The following ZNF385D variants were observed in gnomAD, a reference collection of about 807,000 sequenced individuals.
The protein encoded by ZNF385D is zinc finger protein 659.
A neutral mutation model predicts 35.8 loss-of-function variants in ZNF385D; 15 were observed. The ratio of observed to expected loss-of-function variants is 0.42; its 90% confidence interval spans 0.28 to 0.64. The LOEUF is 0.64. Among genes scored for constraint, ZNF385D ranks in the 30% least tolerant of loss-of-function variants. ZNF385D has a pLI of 0.23. For synonymous variants in ZNF385D, 212 were observed against 186.8 expected (o/e 1.13, Z -1.10); for missense variants, 474 against 494.6 (o/e 0.96, Z 0.39).
chr3:21,866,122 A>G lies in ZNF385D; in HGVS notation c.326-201094T>C, dbSNP rs1697339999. Among the ~76,000 whole-genome samples the G allele has an allele frequency of 5.3e-5, 8 of 152,186 alleles. No individual in the cohort carries two copies. The South Asian group carries it at 1.7e-3, about 32-fold the overall frequency. ...TAACAGGTTGTAAACATATGTAGAA[A>G]AATAGTTTTATTTTGATTTTATAAA... On this transcript the variant is annotated intron_variant, in intron 3 of 5. Transcript: ENST00000494108.
chr3:21,965,764 T>C (rs71310299), intron 3 of ZNF385D, among the ~76,000 whole-genome samples: 16,518 of 152,208 alleles, frequency 0.11, 1,211 homozygotes, highest in South Asian at 0.26. Flanking sequence ...TCCTTATTTT[T>C]AGAAAAGACA....
chr3:22,086,906 G>T (rs1307873274), intron 3 of ZNF385D, among the ~76,000 whole-genome samples: 2 of 152,030 alleles, frequency 1.3e-5, no homozygotes, highest in Non-Finnish European at 2.9e-5. Flanking sequence ...ACACAGGGTG[G>T]GGTACATCAC....
chr3:22,140,850 T>C (rs1704461895), intron 3 of ZNF385D, among the ~76,000 whole-genome samples: 1 of 152,236 alleles, frequency 6.6e-6, no homozygotes, highest in South Asian at 2.1e-4. Flanking sequence ...GTCCTAGAGT[T>C]AATTAGTTCC....
At chr3:21,839,210 T>C (rs998765644) in intron 3 of ZNF385D, among the ~76,000 whole-genome samples, 3 of 152,060 alleles carry the variant, frequency 2.0e-5, no homozygotes, top group Admixed American at 1.3e-4. Flanking sequence ...TTCCATTTTT[T>C]TGGTAACATT....
chr3:21,863,585 T>C (rs563542858), intron 3 of ZNF385D, among the ~76,000 whole-genome samples: 1 of 152,244 alleles, frequency 6.6e-6, no homozygotes, highest in African/African-American at 2.4e-5. Context: ...GTTAACCTAA[T>C]TGCACTTAAG....
At chr3:21,515,107 G>A (rs1401965215) in intron 3 of ZNF385D, among the ~76,000 whole-genome samples, 1 of 152,092 alleles carries the variant, frequency 6.6e-6, no homozygotes, top group African/African-American at 2.4e-5. Flanking sequence ...TAGTTGAAAT[G>A]CAACTGAAGT....
chr3:22,174,250 T>C (rs765919536), intron 2 of ZNF385D, among the ~76,000 whole-genome samples: 5 of 152,198 alleles, frequency 3.3e-5, no homozygotes, highest in Non-Finnish European at 1.5e-5. Context: ...ATCTCAACTT[T>C]AACAAGCCAG....
intron 2 of ZNF385D, among the ~76,000 whole-genome samples, chr3:22,348,485 TAAAAAA>T (rs1168729541): frequency 2.4e-5 from 2 of 84,876 alleles, no homozygotes; most frequent in East Asian, 3.4e-4. Context: ...CCATCTCTAC[TAAAAAA>T]AAAAAAAAAA....
intron 1 of ZNF385D, among the ~76,000 whole-genome samples, chr3:21,690,233 A>G (rs1028630574): frequency 1.3e-5 from 2 of 152,126 alleles, no homozygotes; most frequent in East Asian, 1.9e-4. Flanking sequence ...ACATCCATAC[A>G]CACACACATA....
At position 22,176,370 on chromosome 3, in the gene ZNF385D, T is replaced by C. The variant is rs1033846257; in HGVS notation, c.107-7335A>G. ...GCATTAATTGTTTTACATCACCTCCTAACTTAAATATCACTTAGGAACTTC... is the reference window on the plus strand; with the variant it reads ...GCATTAATTGTTTTACATCACCTCCCAACTTAAATATCACTTAGGAACTTC... On this transcript the variant is annotated intron_variant, in intron 2 of 5. Coordinates refer to the ZNF385D transcript ENST00000494108. Among the ~76,000 whole-genome samples the C allele has an allele frequency of 2.6e-5, 4 of 152,352 alleles. No individual in the cohort carries two copies. The South Asian group carries it at 8.3e-4, about 32-fold the overall frequency.
At chr3:21,537,930 A>T (rs2062075109) in intron 3 of ZNF385D, among the ~76,000 whole-genome samples, 1 of 152,250 alleles carries the variant, frequency 6.6e-6, no homozygotes, top group Non-Finnish European at 1.5e-5. Context: ...AGAATTTTAC[A>T]ATAATACAGA....
chr3:21,813,489 G>C (rs1031163233), intron 3 of ZNF385D, among the ~76,000 whole-genome samples: 5 of 152,158 alleles, frequency 3.3e-5, no homozygotes, highest in Admixed American at 6.5e-5. Flanking sequence ...AGAATCAACA[G>C]TGTACAGAAG....
intron 1 of ZNF385D, among the ~76,000 whole-genome samples, chr3:21,722,837 G>C (rs1193817193): frequency 6.6e-6 from 1 of 152,150 alleles, no homozygotes; most frequent in East Asian, 1.9e-4. Flanking sequence ...AGTATATTTG[G>C]TTTCATCCAC....
intron 3 of ZNF385D, among the ~76,000 whole-genome samples, chr3:22,100,275 C>G (rs1273386138): frequency 7.0e-6 from 1 of 143,248 alleles, no homozygotes; most frequent in African/African-American, 2.7e-5. Flanking sequence ...GTCAGTGTGG[C>G]GATTCCTCAG....
At chr3:21,899,484 C>G (rs1035320865) in intron 3 of ZNF385D, among the ~76,000 whole-genome samples, 2 of 152,072 alleles carry the variant, frequency 1.3e-5, no homozygotes, top group African/African-American at 4.8e-5. Flanking sequence ...TTCAATATGT[C>G]TGGGATGGAG....
intron 3 of ZNF385D, among the ~76,000 whole-genome samples, chr3:21,773,801 G>A (rs1015518682): frequency 1.3e-5 from 2 of 151,800 alleles, no homozygotes; most frequent in East Asian, 3.9e-4. Context: ...GGAGAAAAAG[G>A]AATGCTTTTA....
At chr3:21,505,060 C>G (rs1251823955) in intron 4 of ZNF385D, among the ~76,000 whole-genome samples, 1 of 152,022 alleles carries the variant, frequency 6.6e-6, no homozygotes, top group East Asian at 1.9e-4. Flanking sequence ...GAAGTGGACT[C>G]TAGCAATTGA....
At chr3:22,093,393 C>T (rs559898539) in intron 3 of ZNF385D, among the ~76,000 whole-genome samples, 5 of 151,158 alleles carry the variant, frequency 3.3e-5, no homozygotes, top group Non-Finnish European at 7.4e-5. Context: ...AATAAAAGTG[C>T]AATTTAAGTA....
intron 3 of ZNF385D, among the ~76,000 whole-genome samples, chr3:22,011,627 A>C (rs990257768): frequency 2.6e-5 from 4 of 152,170 alleles, no homozygotes; most frequent in Non-Finnish European, 5.9e-5. Context: ...ATAGTAAATT[A>C]GGAAAGTTGT....
Sources: allele counts gnomAD v4.1 joint callset (sites outside exome capture counted in the v4.1 genomes callset), GRCh38; gene constraint gnomAD v4.1.1; transcripts MANE v1.5; gene names NCBI Gene and HGNC (gene_info 2026-07-23, HGNC 2026-07-21).